WWC2: variants seen among roughly 807,000 people sequenced by gnomAD.
WWC2 encodes WW and C2 domain containing 2, also known as protein WWC2.
WWC2 carries 101 observed loss-of-function variants against 138.5 expected under a neutral mutation model. The ratio of observed to expected loss-of-function variants is 0.73; its 90% CI spans 0.62 to 0.86. The LOEUF is 0.86. Among genes scored for constraint, WWC2 ranks in the 40% least tolerant of loss-of-function variants. The pLI is 0.00. For synonymous variants in WWC2, 558 were observed against 538.4 expected, an observed-to-expected ratio of 1.04 and a Z score of -0.50; for missense variants, 1,420 against 1,419.4, an observed-to-expected ratio of 1.00 and a Z score of -0.01.
chr4:183,233,417 A>C (rs544247302), intron 4 of WWC2, among the ~76,000 whole-genome samples: 116 of 152,084 alleles, frequency 7.6e-4, no homozygotes, highest in Non-Finnish European at 1.4e-3. Flanking sequence ...TCCGCCTCCC[A>C]AAGTGCTGGG....
chr4:183,185,705 A>G (rs999280824), intron 1 of WWC2, among the ~76,000 whole-genome samples: 2 of 152,228 alleles, frequency 1.3e-5, no homozygotes, highest in Non-Finnish European at 1.5e-5. Context: ...CTACTGCCCT[A>G]TGTACAAATG....
At chr4:183,134,840 TTTAG>T (rs1173854316) in intron 1 of WWC2, among the ~76,000 whole-genome samples, 15 of 152,182 alleles carry the variant, frequency 9.9e-5, no homozygotes, top group Non-Finnish European at 1.3e-4. Flanking sequence ...TACACTAACT[TTTAG>T]TTAGTAATTT....
At position 183,320,384 on chromosome 4, in the gene WWC2, G is replaced by A; in HGVS notation, c.*4655G>A. 1.4e-6 allele frequency: 1 copy of A among 695,378 alleles called. No homozygotes were observed. The highest frequency in any genetic ancestry group is 2.7e-5 in the East Asian group (1 of 36,658). The allele number at this position is 695,378 out of a possible 1,614,324, so 43.1% of individuals were successfully genotyped here. On this transcript the variant is annotated 3_prime_UTR_variant, in exon 23 of 23. Transcript: ENST00000403733. ...TATTGTTTGATTCCATGTTGAATGG[G>A]TTTCACAAAAGGATAGGGAAATAAT...
chr4:183,227,826 G>C (rs903427474), intron 4 of WWC2, among the ~76,000 whole-genome samples: 4 of 151,954 alleles, frequency 2.6e-5, no homozygotes, highest in Non-Finnish European at 5.9e-5. Flanking sequence ...GTGAAATAAA[G>C]ACATTTTCAG....
chr4:183,257,610 A>G (rs1737189678), intron 9 of WWC2, among the ~76,000 whole-genome samples: 2 of 151,996 alleles, frequency 1.3e-5, no homozygotes, highest in Non-Finnish European at 1.5e-5. Flanking sequence ...GATGTCTGCA[A>G]TTTCTTCTAA....
chr4:183,313,683 G>T (rs767556905), intron 22 of WWC2, among the ~76,000 whole-genome samples: 2 of 151,750 alleles, frequency 1.3e-5, no homozygotes, highest in Non-Finnish European at 2.9e-5. Context: ...CCCAGAAAAT[G>T]TGAGGTGACT....
intron 4 of WWC2, among the ~76,000 whole-genome samples, chr4:183,234,325 G>A (rs893627420): frequency 6.6e-6 from 1 of 152,180 alleles, no homozygotes; most frequent in Non-Finnish European, 1.5e-5. Flanking sequence ...AGCACTCTGG[G>A]TTGTGAGATT....
intron 2 of WWC2, among the ~76,000 whole-genome samples, chr4:183,195,612 T>C (rs1735117862): frequency 6.6e-6 from 1 of 152,238 alleles, no homozygotes; most frequent in Non-Finnish European, 1.5e-5. Context: ...TTTGTCTTAA[T>C]GTATAAACAC....
chr4:183,132,129 G>GA (rs1732945582), intron 1 of WWC2, among the ~76,000 whole-genome samples: 1 of 152,078 alleles, frequency 6.6e-6, no homozygotes, highest in African/African-American at 2.4e-5. Context: ...ATTTGGTAGG[G>GA]AAAGTCTCCC....
intron 1 of WWC2, among the ~76,000 whole-genome samples, chr4:183,110,617 A>G (rs1260600777): frequency 1.3e-5 from 2 of 152,172 alleles, no homozygotes; most frequent in Admixed American, 6.5e-5. Context: ...AATAGTTCCA[A>G]TAGAGCATTT....
intron 21 of WWC2, among the ~76,000 whole-genome samples, chr4:183,297,454 G>C (rs1229819269): frequency 2.7e-5 from 4 of 148,740 alleles, no homozygotes; most frequent in African/African-American, 9.9e-5. Flanking sequence ...TTGTCACCCA[G>C]ACTGAAGTGC....
chr4:183,212,120 C>T (rs1430013946), intron 4 of WWC2, among the ~76,000 whole-genome samples: 4 of 152,182 alleles, frequency 2.6e-5, no homozygotes, highest in Non-Finnish European at 5.9e-5. Flanking sequence ...GGCGCCCGGC[C>T]TCTTTTGGAT....
At chr4:183,230,411 T>G (rs1233426480) in intron 4 of WWC2, among the ~76,000 whole-genome samples, 1 of 152,234 alleles carries the variant, frequency 6.6e-6, no homozygotes, top group African/African-American at 2.4e-5. Flanking sequence ...GCACAGTGGC[T>G]CACACCTGTA....
intron 16 of WWC2, among the ~76,000 whole-genome samples, chr4:183,273,593 G>A (rs183337627): frequency 1.3e-4 from 20 of 152,152 alleles, no homozygotes; most frequent in Admixed American, 3.9e-4. Context: ...GTGAGCCACC[G>A]CACCCAGCCT....
intron 4 of WWC2, among the ~76,000 whole-genome samples, chr4:183,232,709 G>A (rs1195347868): frequency 8.5e-5 from 13 of 152,222 alleles, no homozygotes; most frequent in South Asian, 2.1e-4. Flanking sequence ...GTGCAATGGT[G>A]CGATCTTGGC....
At chr4:183,193,225 A>G (rs1197588027) in intron 1 of WWC2, among the ~76,000 whole-genome samples, 2 of 152,158 alleles carry the variant, frequency 1.3e-5, no homozygotes, top group African/African-American at 2.4e-5. Context: ...TCTCCATGCT[A>G]CTGATAGGAT....
chr4:183,152,720 A>G (rs1252880175), intron 1 of WWC2, among the ~76,000 whole-genome samples: 3 of 151,496 alleles, frequency 2.0e-5, no homozygotes, highest in Non-Finnish European at 4.4e-5. Flanking sequence ...TGTCTTTACT[A>G]AATATACAAA....
At chr4:183,200,657 T>G (rs1475526262) in intron 2 of WWC2, among the ~76,000 whole-genome samples, 2 of 152,164 alleles carry the variant, frequency 1.3e-5, no homozygotes, top group Non-Finnish European at 2.9e-5. Context: ...CGTACGGTTG[T>G]TGGCAGGATT....
At chr4:183,103,290 G>A (rs1034934080) in intron 1 of WWC2, among the ~76,000 whole-genome samples, 6 of 150,016 alleles carry the variant, frequency 4.0e-5, no homozygotes, top group African/African-American at 7.4e-5. Flanking sequence ...CTCCACACCC[G>A]TTTGAGGCAT....
Sources: gnomAD v4.1 joint callset for allele counts (sites outside exome capture counted in the v4.1 genomes callset) on GRCh38, gnomAD v4.1.1 for gene constraint, MANE v1.5 for transcripts, NCBI Gene and HGNC (gene_info 2026-07-23, HGNC 2026-07-21) for gene names.